RTF2: variants seen among roughly 807,000 people sequenced by gnomAD.
The protein encoded by RTF2 is UPF0549 protein C20orf43.
RTF2 carries 18 observed loss-of-function variants against 38.0 expected under a neutral mutation model. The ratio of observed to expected loss-of-function variants is 0.47; its 90% CI spans 0.33 to 0.70. The LOEUF (loss-of-function observed/expected upper bound fraction) is 0.70. Ranked by LOEUF, RTF2 falls within the 30% of genes least tolerant of loss-of-function variation. The probability of loss-of-function intolerance (pLI) is 0.02; values close to 1 mark genes in which losing one functional copy is unlikely to be tolerated. For missense variants in RTF2, 311 were observed against 379.6 expected, an observed-to-expected ratio of 0.82 and a Z score of 1.50; for synonymous variants, 126 against 137.1, an observed-to-expected ratio of 0.92 and a Z score of 0.57.
At chr20:56,495,084 C>T (rs1035456349) in intron 5 of RTF2, 1 of 719,796 alleles carries the variant, frequency 1.4e-6, no homozygotes, top group Non-Finnish European at 2.3e-6. Context: ...TGGATCATCA[C>T]TAATTCCAGA....
rs77685185 is a variant in RTF2 at position 56,486,346 on chromosome 20, G to C, written c.477+2157G>C. Among the ~76,000 whole-genome samples the C allele has an allele frequency of 7.4e-4, 112 of 152,218 alleles. 1 individual carries two copies. Among genetic ancestry groups the C allele is most frequent in the Middle Eastern group, 3.4e-3 (1 of 294 alleles). On this transcript the variant is annotated intron_variant, in intron 5 of 8. Transcript: ENST00000357348. ...GTACTGTTTCTCTATATTTAGCCTA[G>C]GAATATAAAGTTAACTGTTAGGTTG...
At chr20:56,508,295 G>GAA (rs11484472) in intron 5 of RTF2, among the ~76,000 whole-genome samples, 4 of 150,666 alleles carry the variant, frequency 2.7e-5, no homozygotes, top group Admixed American at 2.6e-4. Flanking sequence ...GCAACTTCAG[G>GAA]AAAAAAAAAG....
intron 2 of RTF2, among the ~76,000 whole-genome samples, chr20:56,473,958 G>A (rs1177144664): frequency 2.0e-5 from 3 of 152,178 alleles, no homozygotes; most frequent in Non-Finnish European, 4.4e-5. Flanking sequence ...AGAATGGCAG[G>A]GAATGGAGAA....
At chr20:56,484,233 G>C in intron 5 of RTF2, 44 bp downstream of exon 5, 1 of 1,482,062 alleles carries the variant, frequency 6.7e-7, no homozygotes, top group East Asian at 2.3e-5. Flanking sequence ...CTGTAGCTGA[G>C]GAAATCAGAT....
At chr20:56,494,717 T>C (rs1983395658) in intron 5 of RTF2, among the ~76,000 whole-genome samples, 1 of 152,228 alleles carries the variant, frequency 6.6e-6, no homozygotes, top group Admixed American at 6.5e-5. Context: ...TTTGAACTAG[T>C]CTGGTATTTG....
At chr20:56,516,586 A>AGTGC (rs1481550926) in intron 6 of RTF2, 1 of 328,870 alleles carries the variant, frequency 3.0e-6, no homozygotes, top group African/African-American at 2.1e-5. Context: ...TACTCATTTA[A>AGTGC]GTGCGCTTTT....
chr20:56,473,482 G>T, intron 2 of RTF2, 87 bp downstream of exon 2: 1 of 975,200 alleles, frequency 1.0e-6, no homozygotes, highest in East Asian at 2.5e-5. Flanking sequence ...TTCATCAAGC[G>T]TGGATTATCC....
At chr20:56,502,644 A>G (rs1000956650) in intron 5 of RTF2, among the ~76,000 whole-genome samples, 1 of 152,230 alleles carries the variant, frequency 6.6e-6, no homozygotes, top group Admixed American at 6.5e-5. Flanking sequence ...GGGAACCTTT[A>G]AAGGTGAACC....
chr20:56,515,016 C>T (rs1984934229), intron 6 of RTF2, among the ~76,000 whole-genome samples: 1 of 150,510 alleles, frequency 6.6e-6, no homozygotes, highest in Non-Finnish European at 1.5e-5. Context: ...CTCTGCACTC[C>T]AGCCTGACAG....
intron 6 of RTF2, chr20:56,516,708 T>C (rs1255333632): frequency 1.7e-6 from 1 of 591,344 alleles, no homozygotes; most frequent in Non-Finnish European, 3.0e-6. Context: ...AGCAGCTCTG[T>C]GCAGATACAT....
chr20:56,485,448 A>C (rs1161750724), intron 5 of RTF2, among the ~76,000 whole-genome samples: 1 of 152,182 alleles, frequency 6.6e-6, no homozygotes, highest in Non-Finnish European at 1.5e-5. Flanking sequence ...TATGGATGTT[A>C]TTCGAAGAGC....
At chr20:56,475,690 G>A (rs780950629) in intron 3 of RTF2, among the ~76,000 whole-genome samples, 104 of 152,076 alleles carry the variant, frequency 6.8e-4, no homozygotes, top group Non-Finnish European at 1.4e-3. Context: ...ATGTGCACAT[G>A]TAAGATGTGC....
At chr20:56,478,658 T>C (rs773059483) in intron 4 of RTF2, among the ~76,000 whole-genome samples, 1 of 152,208 alleles carries the variant, frequency 6.6e-6, no homozygotes, top group African/African-American at 2.4e-5. Flanking sequence ...GCCTTGATGT[T>C]GCCTTGATGT....
At chr20:56,491,805 C>T (rs1983163584) in intron 5 of RTF2, 7 of 1,522,706 alleles carry the variant, frequency 4.6e-6, no homozygotes, top group South Asian at 1.2e-5. Flanking sequence ...AACACAAAAA[C>T]CTAGCTGCCT....
chr20:56,512,803 C>T (rs148259199), intron 5 of RTF2, among the ~76,000 whole-genome samples: 1 of 152,216 alleles, frequency 6.6e-6, no homozygotes, highest in Non-Finnish European at 1.5e-5. Flanking sequence ...CGCGCACTCC[C>T]TCCCTCAAGG....
chr20:56,513,478 C>T (rs558138403), intron 6 of RTF2, 50 bp downstream of exon 6: 62 of 1,549,900 alleles, frequency 4.0e-5, no homozygotes, highest in South Asian at 2.1e-4. Context: ...GCTCCAGAGC[C>T]GACTGCAAAT....
At chr20:56,483,162 C>CCAA (rs1982611883) in intron 4 of RTF2, among the ~76,000 whole-genome samples, 1 of 152,142 alleles carries the variant, frequency 6.6e-6, no homozygotes, top group Non-Finnish European at 1.5e-5. Flanking sequence ...TACACAACTT[C>CCAA]CTGAGCACAC....
intron 5 of RTF2, among the ~76,000 whole-genome samples, chr20:56,493,858 A>T (rs1983333050): frequency 6.6e-6 from 1 of 152,150 alleles, no homozygotes. Flanking sequence ...ATTAAAAATA[A>T]ACCCTTTGTT....
chr20:56,489,101 G>A (rs777659752), intron 5 of RTF2, among the ~76,000 whole-genome samples: 1 of 152,108 alleles, frequency 6.6e-6, no homozygotes, highest in Non-Finnish European at 1.5e-5. Context: ...TGTTGCCCAG[G>A]CTGGGGTGCA....
Sources: allele counts gnomAD v4.1 joint callset (sites outside exome capture counted in the v4.1 genomes callset), GRCh38; gene constraint gnomAD v4.1.1; transcripts MANE v1.5; gene names NCBI Gene and HGNC (gene_info 2026-07-23, HGNC 2026-07-21).